CHEK1: variants seen among roughly 807,000 people sequenced by gnomAD.
CHEK1 encodes the protein serine/threonine-protein kinase Chk1.
CHEK1 carries 32 observed loss-of-function variants against 60.2 expected under a neutral mutation model. The observed-to-expected ratio is 0.53, with a 90% CI of 0.40 to 0.71. The LOEUF is 0.71. CHEK1 is among the 30% of genes least tolerant of loss of function. CHEK1 has a pLI of 0.00. For missense variants in CHEK1, 399 were observed against 564.6 expected, an observed-to-expected ratio of 0.71 and a Z score of 2.97; for synonymous variants, 179 against 187.2, an observed-to-expected ratio of 0.96 and a Z score of 0.36.
chr11:125,663,546 GTA>G (rs1198460957), intron 13 of CHEK1, among the ~76,000 whole-genome samples: 9 of 151,998 alleles, frequency 5.9e-5, no homozygotes, highest in African/African-American at 2.2e-4. Context: ...TAAGTTCCTT[GTA>G]GATTCTGGAT....
intron 13 of CHEK1, among the ~76,000 whole-genome samples, chr11:125,674,349 TAGGA>T (rs1468574718): frequency 6.6e-6 from 1 of 152,182 alleles, no homozygotes; most frequent in Non-Finnish European, 1.5e-5. Context: ...AGGAAATTCT[TAGGA>T]AGGAAGTGAG....
chr11:125,676,015 C>G (rs1489411909), exon 14 of CHEK1: 1 of 197,422 alleles, frequency 5.1e-6, no homozygotes, highest in East Asian at 1.2e-4. Flanking sequence ...TCAAGCGATT[C>G]TCCTGCCTCA....
chr11:125,635,777 A>C, intron 7 of CHEK1: 1 of 246,730 alleles, frequency 4.1e-6, no homozygotes, highest in Non-Finnish European at 7.7e-6. Flanking sequence ...ATCTGCTCTT[A>C]GATGGCTTTT....
At chr11:125,631,985 C>A (rs1940884002) in intron 5 of CHEK1, among the ~76,000 whole-genome samples, 1 of 151,650 alleles carries the variant, frequency 6.6e-6, no homozygotes, top group South Asian at 2.1e-4. Flanking sequence ...AGAAATCAGT[C>A]CCCTATTTTG....
chr11:125,676,298 C>T, downstream of CHEK1: 2 of 1,593,876 alleles, frequency 1.3e-6, no homozygotes, highest in Non-Finnish European at 1.7e-6. Flanking sequence ...CCAACTGCCC[C>T]CTACCAGAAG....
chr11:125,628,821 A>C (rs1202400793), intron 3 of CHEK1, among the ~76,000 whole-genome samples: 2 of 152,170 alleles, frequency 1.3e-5, no homozygotes. Flanking sequence ...AATCTGTAAA[A>C]TATTTAGTGA....
Position 125,625,328 on chromosome 11 carries a change from CAT to C in CHEK1, c.-703_-702del, listed in dbSNP as rs1216641934. On this transcript the variant is annotated 5_prime_UTR_variant, in exon 1 of 13. An upstream open reading frame in the 5' UTR gains an earlier in-frame stop. Transcript: ENST00000438015. ...TGGTTATCCTGACTTCAAGCTCCAA[CAT>C]AAACTGCTCGCTTTCTCCGGGAAAC... The C allele has an allele frequency of 8.2e-6, 2 of 244,134 alleles. No homozygotes were observed. The highest frequency in any genetic ancestry group is 1.6e-5 in the Non-Finnish European group (2 of 124,784). 15.1% of individuals were successfully genotyped at this position (244,134 alleles called of 1,614,324 possible).
At chr11:125,646,549 A>G (rs1941515081) in intron 11 of CHEK1, among the ~76,000 whole-genome samples, 1 of 152,170 alleles carries the variant, frequency 6.6e-6, no homozygotes, top group Admixed American at 6.5e-5. Context: ...AAACTGTGAA[A>G]TGATTTTTCC....
downstream of CHEK1, chr11:125,678,310 A>G (rs748134498): frequency 2.8e-5 from 45 of 1,611,022 alleles, no homozygotes; most frequent in Non-Finnish European, 3.8e-5. Context: ...GGGATGGAGA[A>G]GGAACAGAAG....
rs1034040004 is a variant in CHEK1, at chr11:125,625,654, C to G, written c.-379C>G. 3.3e-6 allele frequency: 2 copies of G among 600,932 alleles called. No individual in the cohort carries two copies. The highest frequency in any genetic ancestry group is 3.7e-5 in the African/African-American group (2 of 54,024). 37.2% of individuals were successfully genotyped at this position (600,932 alleles called of 1,614,324 possible). On this transcript the variant is annotated 5_prime_UTR_variant, in exon 1 of 13. Transcript: ENST00000438015. ...GCGCAGCGCGGTCGGTCGCGCGCCCCTGAGGCTTGGAGGCCTGGGCTTCCC... is the reference window on the plus strand; with the variant it reads ...GCGCAGCGCGGTCGGTCGCGCGCCCGTGAGGCTTGGAGGCCTGGGCTTCCC...
intron 8 of CHEK1, among the ~76,000 whole-genome samples, chr11:125,642,154 T>C (rs539222936): frequency 6.6e-6 from 1 of 152,354 alleles, no homozygotes; most frequent in African/African-American, 2.4e-5. Context: ...CTTATTCTCT[T>C]ACTTTCTTTG....
At chr11:125,630,400 T>A (rs935657556) in intron 5 of CHEK1, among the ~76,000 whole-genome samples, 11 of 151,782 alleles carry the variant, frequency 7.2e-5, no homozygotes, top group African/African-American at 2.7e-4. Context: ...AACCTCTACC[T>A]CTCTGGTTCA....
At chr11:125,664,396 G>T (rs948780287) in intron 13 of CHEK1, among the ~76,000 whole-genome samples, 16 of 151,876 alleles carry the variant, frequency 1.1e-4, no homozygotes, top group Non-Finnish European at 1.5e-5. Flanking sequence ...ACTACGCCTG[G>T]CTAATTTTTT....
At chr11:125,635,892 T>C (rs2135998823) in intron 7 of CHEK1, 1 of 164,360 alleles carries the variant, frequency 6.1e-6, no homozygotes. Context: ...GGTTTCATCA[T>C]TGTGTGAACA....
chr11:125,625,488 G>T lies in CHEK1; in HGVS notation c.-545G>T, dbSNP rs1940544410. 2 of 404,548 alleles carry T rather than the reference G, an allele frequency of 4.9e-6. No individual in the cohort carries two copies. Among genetic ancestry groups the T allele is most frequent in the Non-Finnish European group, 8.9e-6 (2 of 224,186 alleles). The allele number at this position is 404,548 out of a possible 1,614,324, so 25.1% of individuals were successfully genotyped here. A position where few individuals can be genotyped will look rare whatever the true frequency, so the allele number is the denominator to read the frequency against. On this transcript the variant is annotated 5_prime_UTR_variant, in exon 1 of 13. Transcript: ENST00000438015. ...TGGTTTCTCGGCTCCAGCACCACGA[G>T]TACCGCACTCTGAGGTTTACAAAGC...
chr11:125,635,312 G>A (rs1591398218), intron 6 of CHEK1, 117 bp from the exon 7 acceptor site: 1 of 627,478 alleles, frequency 1.6e-6, no homozygotes, highest in East Asian at 3.2e-5. Flanking sequence ...GATTCTTAGT[G>A]TGAAAACCAT....
chr11:125,641,383 T>G (rs1023036702), intron 8 of CHEK1, among the ~76,000 whole-genome samples: 2 of 152,180 alleles, frequency 1.3e-5, no homozygotes, highest in Admixed American at 1.3e-4. Context: ...GGGCTGAATC[T>G]ATGGATCTCC....
At chr11:125,633,069 C>G (rs967426445) in intron 5 of CHEK1, 94 bp from the exon 6 acceptor site, 2 of 1,098,520 alleles carry the variant, frequency 1.8e-6, no homozygotes, top group Admixed American at 6.5e-5. Context: ...TTAAGTAACA[C>G]CAGTGATTTT....
chr11:125,678,978 T>TTATATA (rs10522682), downstream of CHEK1, among the ~76,000 whole-genome samples: 3,364 of 88,374 alleles, frequency 0.038, 305 homozygotes, highest in East Asian at 0.15. Context: ...TCTAGGCATA[T>TTATATA]TATATATATA....
Sources: allele counts gnomAD v4.1 joint callset (sites outside exome capture counted in the v4.1 genomes callset), GRCh38; gene constraint gnomAD v4.1.1; transcripts MANE v1.5; gene names NCBI Gene and HGNC (gene_info 2026-07-23, HGNC 2026-07-21).